GNAO1: variants seen among roughly 807,000 people sequenced by gnomAD.
GNAO1 encodes G protein subunit alpha o1, also known as guanine nucleotide-binding protein G(o) subunit alpha.
For missense variants in GNAO1, 166 were observed against 478.7 expected (o/e 0.35, Z 6.10); for synonymous variants, 164 against 180.7 (o/e 0.91, Z 0.74).
At chr16:56,298,600 G>T (rs1268544252) in intron 3 of GNAO1, among the ~76,000 whole-genome samples, 6 of 152,088 alleles carry the variant, frequency 3.9e-5, no homozygotes, top group Non-Finnish European at 2.9e-5. Context: ...CAAAGTATGG[G>T]TTTAACTTTT....
At chr16:56,296,193 G>A (rs1448528107) in intron 3 of GNAO1, among the ~76,000 whole-genome samples, 2 of 152,188 alleles carry the variant, frequency 1.3e-5, no homozygotes, top group African/African-American at 4.8e-5. Flanking sequence ...GAGTTCTGTT[G>A]TTGCTGATTC....
chr16:56,258,275 T>C (rs2036871266), intron 2 of GNAO1, among the ~76,000 whole-genome samples: 1 of 152,234 alleles, frequency 6.6e-6, no homozygotes, highest in African/African-American at 2.4e-5. Context: ...GGCTCTGAGA[T>C]GGTGGCCAAG....
intron 2 of GNAO1, among the ~76,000 whole-genome samples, chr16:56,272,265 C>G (rs1180691587): frequency 6.6e-6 from 1 of 151,932 alleles, no homozygotes; most frequent in South Asian, 2.1e-4. Context: ...GCCGAGATTG[C>G]GCCGCTGCAC....
chr16:56,202,694 A>G (rs1157385396), intron 2 of GNAO1, among the ~76,000 whole-genome samples: 3 of 152,228 alleles, frequency 2.0e-5, no homozygotes, highest in Non-Finnish European at 4.4e-5. Flanking sequence ...GAGGACAGGA[A>G]GTTGAGGGAG....
chr16:56,312,414 G>A (rs536992813), intron 3 of GNAO1, among the ~76,000 whole-genome samples: 2 of 152,338 alleles, frequency 1.3e-5, no homozygotes, highest in South Asian at 4.1e-4. Flanking sequence ...TTTGACACCA[G>A]GCCCCTGAGT....
intron 2 of GNAO1, among the ~76,000 whole-genome samples, chr16:56,250,253 T>C (rs1448789399): frequency 7.2e-5 from 11 of 152,246 alleles, no homozygotes; most frequent in African/African-American, 2.6e-4. Flanking sequence ...ATTGCTAACC[T>C]TATTTGGGGA....
intron 3 of GNAO1, among the ~76,000 whole-genome samples, chr16:56,284,615 A>C (rs533003980): frequency 1.2e-3 from 182 of 152,106 alleles, no homozygotes; most frequent in African/African-American, 4.3e-3. Flanking sequence ...GCCCTCCCCC[A>C]AGCCCCTCCC....
chr16:56,336,147 G>C (rs1324599915), intron 5 of GNAO1, among the ~76,000 whole-genome samples: 1 of 152,208 alleles, frequency 6.6e-6, no homozygotes, highest in Non-Finnish European at 1.5e-5. Flanking sequence ...GAGTCTGAGA[G>C]GGGGAAGAGG....
At position 56,326,208 on chromosome 16, in the gene GNAO1, C is replaced by T. The variant is rs2037630738; in HGVS notation, c.304-2423C>T. Reference sequence around the variant, plus strand: ...CTGGTGCACACCCTGAGGCGTGGTGCCCCAGGCGGGCAGTAGTCACTAGGC... The same window carrying T: ...CTGGTGCACACCCTGAGGCGTGGTGTCCCAGGCGGGCAGTAGTCACTAGGC... On this transcript the variant is annotated intron_variant, in intron 3 of 8. Transcript: ENST00000262493. The surrounding 1 kb of genome is among the most constrained non-coding windows in gnomAD (Gnocchi z 4.8). 6.6e-6 allele frequency among the ~76,000 whole-genome samples: 1 copy of T among 152,146 alleles called. No homozygotes were observed. Among genetic ancestry groups the T allele is most frequent in the Non-Finnish European group, 1.5e-5 (1 of 68,028 alleles).
chr16:56,266,178 CTCTG>C (rs1390082808), intron 2 of GNAO1, among the ~76,000 whole-genome samples: 1 of 152,194 alleles, frequency 6.6e-6, no homozygotes, highest in African/African-American at 2.4e-5. Flanking sequence ...AAGGCAGGGC[CTCTG>C]TCTGTCCTGT....
In GNAO1 at chr16:56,249,690, A is replaced by G. The variant is rs1161705196; in HGVS notation, c.162-26241A>G. Among the ~76,000 whole-genome samples the G allele has an allele frequency of 2.0e-5, 3 of 152,338 alleles. No homozygotes were observed. The East Asian group carries it at 5.8e-4, about 29-fold the overall frequency. ...AGGCCCACGGTTGCCCAATGAAGCTATCAGGGACCCAAGTCTTTTCTCTCT... is the reference window on the plus strand; with the variant it reads ...AGGCCCACGGTTGCCCAATGAAGCTGTCAGGGACCCAAGTCTTTTCTCTCT... On this transcript the variant is annotated intron_variant, in intron 2 of 8. Transcript: ENST00000262493.
chr16:56,238,533 G>T (rs2036663374), intron 2 of GNAO1, among the ~76,000 whole-genome samples: 1 of 152,184 alleles, frequency 6.6e-6, no homozygotes, highest in African/African-American at 2.4e-5. Flanking sequence ...CATAGTGGTG[G>T]CCATCCCACT....
chr16:56,206,269 G>C (rs561004261), intron 2 of GNAO1, among the ~76,000 whole-genome samples: 1 of 148,972 alleles, frequency 6.7e-6, no homozygotes, highest in Non-Finnish European at 1.5e-5. Flanking sequence ...GCAGTGAGCC[G>C]AGATCACGCC....
rs572084354 is a variant in GNAO1, at chr16:56,244,792, C to T, written c.162-31139C>T. Among the ~76,000 whole-genome samples the T allele has an allele frequency of 4.6e-5, 7 of 152,240 alleles. 1 individual carries two copies. In the East Asian group the frequency reaches 5.8e-4, roughly 13 times the overall value. On this transcript the variant is annotated intron_variant, in intron 2 of 8. Transcript: ENST00000262493. ...AGTATAGCCAAGCTGGGCAAATGCACGTGCTGTCAGGAGCATGGACAGAGC... is the reference window on the plus strand; with the variant it reads ...AGTATAGCCAAGCTGGGCAAATGCATGTGCTGTCAGGAGCATGGACAGAGC...
chr16:56,301,858 G>A (rs1209874685), intron 3 of GNAO1: 4 of 152,122 alleles, frequency 2.6e-5, no homozygotes, highest in Admixed American at 6.6e-5. Flanking sequence ...GAACTCAGCC[G>A]TCTGTGAGGT....
chr16:56,314,566 C>T, intron 3 of GNAO1, among the ~76,000 whole-genome samples: 1 of 152,206 alleles, frequency 6.6e-6, no homozygotes, highest in Non-Finnish European at 1.5e-5. Context: ...TCACCAACGA[C>T]ATTCTTCAGT....
At chr16:56,194,398 G>A in intron 2 of GNAO1, 1 of 398,388 alleles carries the variant, frequency 2.5e-6, no homozygotes, top group Non-Finnish European at 5.0e-6. Context: ...TAAAACTTCA[G>A]AAGTCTGTAA....
chr16:56,218,835 A>T (rs2036458691), intron 2 of GNAO1, among the ~76,000 whole-genome samples: 1 of 152,214 alleles, frequency 6.6e-6, no homozygotes, highest in Non-Finnish European at 1.5e-5. Context: ...ATGCCTCAGC[A>T]TAGATGTCAC....
Position 56,351,753 on chromosome 16 carries a change from G to T in GNAO1, c.877+216G>T. 2 of 557,292 alleles carry T rather than the reference G, an allele frequency of 3.6e-6. No homozygotes were observed. The highest frequency in any genetic ancestry group is 6.4e-6 in the Non-Finnish European group (2 of 310,674). 34.5% of individuals were successfully genotyped at this position (557,292 alleles called of 1,614,324 possible). A position where few individuals can be genotyped will look rare whatever the true frequency, so the allele number is the denominator to read the frequency against. On this transcript the variant is annotated intron_variant, in intron 7 of 8. Transcript: ENST00000262493. This position sits in a 1 kb window ranked among gnomAD's most constrained non-coding sequence, Gnocchi z 6.1. ...GCGTGGTGGAAATGGCCCCTCCTAAGATATATGTGTTAGGACCAAGTGACT... is the reference window on the plus strand; with the variant it reads ...GCGTGGTGGAAATGGCCCCTCCTAATATATATGTGTTAGGACCAAGTGACT...
Sources: allele counts gnomAD v4.1 joint callset (sites outside exome capture counted in the v4.1 genomes callset), GRCh38; gene constraint gnomAD v4.1.1; non-coding constraint Gnocchi (gnomAD v3.1); transcripts MANE v1.5; gene names NCBI Gene and HGNC (gene_info 2026-07-23, HGNC 2026-07-21).